MAP3K4: variants seen among roughly 807,000 people sequenced by gnomAD.
The protein encoded by MAP3K4 is mitogen-activated protein kinase kinase kinase 4, also known as MAP three kinase 1.
Under a neutral mutation model 185.6 loss-of-function variants are expected in MAP3K4, and 67 were observed. That is an observed-to-expected ratio of 0.36 (90% CI 0.30 to 0.44). The LOEUF (loss-of-function observed/expected upper bound fraction) is 0.44, where lower values mean the gene tolerates loss of function less well. Among genes scored for constraint, MAP3K4 ranks in the 20% least tolerant of loss-of-function variants. The pLI is 1.00. For missense variants in MAP3K4, 1,551 were observed against 1,995.1 expected (o/e 0.78, Z 4.24); for synonymous variants, 702 against 710.4 (o/e 0.99, Z 0.19).
In MAP3K4 at chr6:161,064,488, G is replaced by A. The variant is rs949629868; in HGVS notation, c.1708-6120G>A. Among the ~76,000 whole-genome samples the A allele has an allele frequency of 6.6e-6, 1 of 151,578 alleles. No homozygotes were observed. Among genetic ancestry groups the A allele is most frequent in the Non-Finnish European group, 1.5e-5 (1 of 67,946 alleles). On this transcript the variant is annotated intron_variant, in intron 3 of 26. Transcript: ENST00000392142. The surrounding 1 kb of genome is among the most constrained non-coding windows in gnomAD (Gnocchi z 4.3). ...TTTACATTAAATTCTAGATAATTGG[G>A]TATGTTTCTGTGTTCTGATCTGTTT...
At chr6:161,047,185 A>C (rs892778011) in intron 2 of MAP3K4, among the ~76,000 whole-genome samples, 1 of 147,844 alleles carries the variant, frequency 6.8e-6, no homozygotes, top group African/African-American at 2.5e-5. Flanking sequence ...TCATGCCTGT[A>C]ATCTCAGCAC....
At chr6:160,993,766 A>C (rs1401632356) in intron 1 of MAP3K4, among the ~76,000 whole-genome samples, 1 of 152,126 alleles carries the variant, frequency 6.6e-6, no homozygotes, top group Non-Finnish European at 1.5e-5. Flanking sequence ...CTTTTCAGTC[A>C]GGCTTCTGTC....
intron 2 of MAP3K4, among the ~76,000 whole-genome samples, chr6:161,036,297 C>A (rs1783163029): frequency 6.6e-6 from 1 of 152,146 alleles, no homozygotes. Flanking sequence ...TGCTCACAGA[C>A]CCTTTGATTT....
rs138632491 is a variant in MAP3K4 at position 161,091,425 on chromosome 6, G to A, written c.3020G>A (p.Arg1007His). 199 of 1,613,970 alleles carry A rather than the reference G, an allele frequency of 1.2e-4. No individual in the cohort carries two copies. Among genetic ancestry groups the A allele is most frequent in the African/African-American group, 6.8e-4 (51 of 75,016 alleles). ...AACAGGATAAGCAATGCCATTGACC[G>A]CGTGGACCACATGTTCACATCAGAA... ...LCNRISNAID[R>H]VDHMFTSEFD... Residue 1007 changes from arginine to histidine, a missense_variant, in exon 12 of 27, where the codon CGC becomes CAC. By Grantham distance (29) the Arg-to-His change is conservative. This residue lies in a region of MAP3K4 where 261 missense variants were observed against 306.5 expected (regional missense o/e 0.85). Coordinates refer to ENST00000392142, the MANE Select transcript of MAP3K4 (RefSeq NM_005922.4). This position sits in a 1 kb window ranked among gnomAD's most constrained non-coding sequence, Gnocchi z 5.5.
rs1369958417 is a variant in MAP3K4, at chr6:161,098,940, C to T, written c.3674+513C>T. Among the ~76,000 whole-genome samples the T allele has an allele frequency of 1.3e-5, 2 of 152,144 alleles. No homozygotes were observed. Among genetic ancestry groups the T allele is most frequent in the African/African-American group, 4.8e-5 (2 of 41,420 alleles). ...TTTGTATGTCATATGGAGAACAGATCAGTACTTGAGAGAACTCTCAGACAA... is the reference window on the plus strand; with the variant it reads ...TTTGTATGTCATATGGAGAACAGATTAGTACTTGAGAGAACTCTCAGACAA... On this transcript the variant is annotated intron_variant, in intron 17 of 26. Transcript: ENST00000392142. This position sits in a 1 kb window ranked among gnomAD's most constrained non-coding sequence, Gnocchi z 4.4.
Position 160,994,120 on chromosome 6 carries a change from C to T in MAP3K4, c.152+2037C>T, listed in dbSNP as rs181295909. On this transcript the variant is annotated intron_variant, in intron 1 of 26. Transcript: ENST00000392142. Reference sequence around the variant, plus strand: ...GTGTTCAAAATGTGTGAAATGCCACCTCTTTTTTTTTTTTACAATTTTCTT... The same window carrying T: ...GTGTTCAAAATGTGTGAAATGCCACTTCTTTTTTTTTTTTACAATTTTCTT... 1.2e-4 allele frequency among the ~76,000 whole-genome samples: 18 copies of T among 150,976 alleles called. No individual in the cohort carries two copies. The South Asian group carries it at 1.5e-3, about 12-fold the overall frequency.
intron 5 of MAP3K4, among the ~76,000 whole-genome samples, chr6:161,079,913 T>G (rs1399934754): frequency 6.6e-6 from 1 of 152,150 alleles, no homozygotes; most frequent in Non-Finnish European, 1.5e-5. Context: ...CAGAAAAATA[T>G]CTTTCCCAAC....
intron 1 of MAP3K4, among the ~76,000 whole-genome samples, chr6:161,011,914 G>A (rs1319794583): frequency 1.3e-5 from 2 of 152,164 alleles, no homozygotes; most frequent in African/African-American, 4.8e-5. Context: ...CAGTGCTAGT[G>A]CTGGGGCATG....
chr6:161,054,215 C>T lies in MAP3K4; in HGVS notation c.1707+4236C>T, dbSNP rs868106228. On this transcript the variant is annotated intron_variant, in intron 3 of 26. Transcript: ENST00000392142. This position sits in a 1 kb window ranked among gnomAD's most constrained non-coding sequence, Gnocchi z 4.2. ...TGTTGCCCAGGCTGGAGTGCAATGG[C>T]GCTATCTCAGCTCCCTGAGACCTTT... Among the ~76,000 whole-genome samples the T allele has an allele frequency of 5.3e-5, 8 of 152,234 alleles. 1 individual carries two copies. The highest frequency in any genetic ancestry group is 6.8e-3 in the Middle Eastern group (2 of 294).
At position 161,111,977 on chromosome 6, in the gene MAP3K4, G is replaced by T. The variant is rs1476430848; in HGVS notation, c.4519+19G>T. The T allele has an allele frequency of 6.2e-7, 1 of 1,612,990 alleles. No homozygotes were observed. Among genetic ancestry groups the T allele is most frequent in the Admixed American group, 1.7e-5 (1 of 59,872 alleles). ...ACAGCAGGTAGGGACCAGCCTGGTT[G>T]TTCTTTGCACTCTGACTTCATGCAG... On this transcript the variant is annotated intron_variant, in intron 24 of 26. Coordinates refer to ENST00000392142, the MANE Select transcript of MAP3K4 (RefSeq NM_005922.4).
intron 1 of MAP3K4, among the ~76,000 whole-genome samples, chr6:161,025,411 G>A (rs988534879): frequency 6.6e-6 from 1 of 152,152 alleles, no homozygotes; most frequent in Non-Finnish European, 1.5e-5. Flanking sequence ...CCCTACTCTA[G>A]TGTCCGTTTT....
chr6:161,069,982 G>A (rs556212858), intron 3 of MAP3K4, among the ~76,000 whole-genome samples: 1 of 152,220 alleles, frequency 6.6e-6, no homozygotes, highest in South Asian at 2.1e-4. Context: ...AAAGAACGGG[G>A]GTGGGGGCGG....
intron 13 of MAP3K4, 70 bp downstream of exon 13, chr6:161,092,213 G>A: frequency 6.4e-7 from 1 of 1,552,922 alleles, no homozygotes. Flanking sequence ...TATATGTTCT[G>A]TGGGATTCTT....
intron 2 of MAP3K4, among the ~76,000 whole-genome samples, chr6:161,035,193 A>G (rs975964342): frequency 8.5e-5 from 13 of 152,162 alleles, no homozygotes; most frequent in African/African-American, 2.9e-4. Flanking sequence ...ATCTCAGCAA[A>G]CCACTTGTCC....
intron 1 of MAP3K4, among the ~76,000 whole-genome samples, chr6:161,018,500 GA>G (rs752742631): frequency 9.9e-5 from 15 of 152,246 alleles, no homozygotes; most frequent in Non-Finnish European, 2.1e-4. Flanking sequence ...GTTTCTAGAG[GA>G]AAAGCTTCTA....
intron 2 of MAP3K4, among the ~76,000 whole-genome samples, chr6:161,045,270 C>T (rs141790235): frequency 0.023 from 3,548 of 152,198 alleles, 62 homozygotes; most frequent in South Asian, 0.046. Context: ...GCTCCTTTCC[C>T]AATTTGCTTT....
chr6:160,994,690 T>C (rs2115028766), intron 1 of MAP3K4, among the ~76,000 whole-genome samples: 1 of 152,254 alleles, frequency 6.6e-6, no homozygotes. Context: ...AGTTCTACTT[T>C]TAGTTTTTAG....
At chr6:161,002,051 T>G (rs1286800008) in intron 1 of MAP3K4, among the ~76,000 whole-genome samples, 1 of 112,718 alleles carries the variant, frequency 8.9e-6, no homozygotes, top group African/African-American at 4.0e-5. Flanking sequence ...AAGAAAAAGG[T>G]TTTTTTTTTT....
chr6:161,070,662 A>G lies in MAP3K4; in HGVS notation c.1762A>G (p.Thr588Ala), dbSNP rs773392017. ...TTCAGATTATGTGCAGTTGTCAAGGACACCACCTTCATCTGAGGAGAAATG... is the reference window on the plus strand; with the variant it reads ...TTCAGATTATGTGCAGTTGTCAAGGGCACCACCTTCATCTGAGGAGAAATG... ...WGSDYVQLSR[T>A]PPSSEEKCSA... Residue 588 changes from threonine to alanine, a missense_variant, in exon 4 of 27, where the codon ACA becomes GCA. Physicochemically the swap from Thr to Ala is moderately conservative, Grantham distance 58. Around this residue, in one of 16 missense-constraint regions of MAP3K4, gnomAD observed 86 missense variants for 81.6 expected, o/e 1.05. Transcript: ENST00000392142. The surrounding 1 kb of genome is among the most constrained non-coding windows in gnomAD (Gnocchi z 4.5). 1.9e-6 allele frequency: 3 copies of G among 1,614,062 alleles called. No individual in the cohort carries two copies. Among genetic ancestry groups the G allele is most frequent in the African/African-American group, 1.3e-5 (1 of 75,010 alleles).
Sources: gnomAD v4.1 joint callset for allele counts (sites outside exome capture counted in the v4.1 genomes callset) on GRCh38, gnomAD v4.1.1 for gene constraint, gnomAD v4.1.1 regional missense constraint, Gnocchi (gnomAD v3.1) non-coding constraint, MANE v1.5 for transcripts, NCBI Gene and HGNC (gene_info 2026-07-23, HGNC 2026-07-21) for gene names.